KCNMA1: variants seen among roughly 807,000 people sequenced by gnomAD.
The protein encoded by KCNMA1 is Calcium-activated potassium channel subunit alpha-1.
A neutral mutation model predicts 140.0 loss-of-function variants in KCNMA1; 29 were observed. That is an observed-to-expected ratio of 0.21 (90% CI 0.15 to 0.28). KCNMA1 has a LOEUF of 0.28. Ranked by LOEUF, KCNMA1 falls within the 10% of genes least tolerant of loss-of-function variation. The pLI is 1.00. For missense variants in KCNMA1, 880 were observed against 1,602.2 expected (o/e 0.55, Z 7.70); for synonymous variants, 612 against 611.9 (o/e 1.00, Z 0.00).
chr10:76,891,418 GA>G (rs1185702054), intron 26 of KCNMA1, 106 bp downstream of exon 26: 1 of 812,688 alleles, frequency 1.2e-6, no homozygotes, highest in Non-Finnish European at 2.1e-6. Flanking sequence ...TCTACAATAG[GA>G]AGGAGAAAAG....
chr10:77,299,569 A>C (rs539449886), intron 2 of KCNMA1, among the ~76,000 whole-genome samples: 1 of 152,316 alleles, frequency 6.6e-6, no homozygotes, highest in East Asian at 1.9e-4. Flanking sequence ...AAACAAGTTT[A>C]AGTTGTTTTT....
At chr10:76,900,245 G>A (rs764630074) in intron 25 of KCNMA1, among the ~76,000 whole-genome samples, 10 of 92,708 alleles carry the variant, frequency 1.1e-4, no homozygotes, top group Middle Eastern at 6.2e-3. Context: ...ATGTTTAATG[G>A]AAAGTTATCA....
At position 77,600,966 on chromosome 10, in the gene KCNMA1, A is replaced by G. The variant is rs542110931; in HGVS notation, c.378+36299T>C. ...AACTGCCTAACACAGTGACAGCCAC[A>G]TAATGGGCACTTAATGATTCTCCCC... On this transcript the variant is annotated intron_variant, in intron 1 of 27. Coordinates refer to ENST00000286628, the MANE Select transcript of KCNMA1 (RefSeq NM_001161352.2). Among the ~76,000 whole-genome samples, 7 of 152,284 alleles carry G rather than the reference A, an allele frequency of 4.6e-5. No homozygotes were observed. In the East Asian group the frequency reaches 1.2e-3, roughly 25 times the overall value.
chr10:76,880,616 C>T (rs2034255272), downstream of KCNMA1, among the ~76,000 whole-genome samples: 1 of 152,168 alleles, frequency 6.6e-6, no homozygotes, highest in Non-Finnish European at 1.5e-5. Flanking sequence ...TTTCAATGAT[C>T]GCCAGCCATT....
At chr10:76,993,807 GC>G (rs2083447771) in intron 19 of KCNMA1, among the ~76,000 whole-genome samples, 1 of 152,198 alleles carries the variant, frequency 6.6e-6, no homozygotes, top group Admixed American at 6.5e-5. Context: ...CCTTGGCCTG[GC>G]CCCTGCCAGG....
chr10:76,889,668 G>A, intron 26 of KCNMA1, 99 bp from the exon 27 acceptor site: 1 of 984,204 alleles, frequency 1.0e-6, no homozygotes, highest in South Asian at 1.3e-5. Context: ...GCTTGTTTTG[G>A]TGTCTCCCAA....
intron 2 of KCNMA1, among the ~76,000 whole-genome samples, chr10:77,272,128 C>T (rs539749193): frequency 1.3e-5 from 2 of 152,272 alleles, no homozygotes; most frequent in African/African-American, 2.4e-5. Flanking sequence ...CTTATCATTC[C>T]CTGAAATCAC....
At chr10:77,566,717 T>C (rs1158010099) in intron 1 of KCNMA1, among the ~76,000 whole-genome samples, 1 of 152,206 alleles carries the variant, frequency 6.6e-6, no homozygotes, top group African/African-American at 2.4e-5. Flanking sequence ...GAAAACTTAC[T>C]ATGTGTCCAG....
intron 23 of KCNMA1, among the ~76,000 whole-genome samples, chr10:76,936,814 A>C (rs1264813865): frequency 1.3e-5 from 2 of 152,140 alleles, no homozygotes; most frequent in East Asian, 3.9e-4. Flanking sequence ...TTAATGGAAA[A>C]GCCAGATCTG....
rs116400943 is a variant in KCNMA1, at chr10:77,180,019, T to C, written c.808+3402A>G. Among the ~76,000 whole-genome samples the C allele has an allele frequency of 9.2e-3, 1,408 of 152,324 alleles. 22 individuals are homozygous for C. The highest frequency in any genetic ancestry group is 0.032 in the African/African-American group (1,350 of 41,572). On this transcript the variant is annotated intron_variant, in intron 5 of 27. Transcript: ENST00000286628. ...ACTAAACACGGTGTGGGGAGCGTTC[T>C]GGGACAGGTAAGGGCAGGGACCCTG... is the stretch of plus-strand genomic sequence containing the variant.
Position 77,108,248 on chromosome 10 carries a change from G to A in KCNMA1, c.1223+233C>T, listed in dbSNP as rs1489304214. 2.1e-6 allele frequency: 3 copies of A among 1,415,944 alleles called. No homozygotes were observed. Among genetic ancestry groups the A allele is most frequent in the South Asian group, 3.0e-5 (2 of 67,044 alleles). 87.7% of individuals were successfully genotyped at this position (1,415,944 alleles called of 1,614,324 possible). On this transcript the variant is annotated intron_variant, in intron 9 of 27. Transcript: ENST00000286628. The surrounding 1 kb of genome is among the most constrained non-coding windows in gnomAD (Gnocchi z 4.6). ...GGCACCTCCACAGGGACTCCTGAAA[G>A]TCACTCAACCACATCTTTTCTGATG...
At chr10:76,966,868 T>G (rs1592209295) in intron 20 of KCNMA1, among the ~76,000 whole-genome samples, 2 of 152,162 alleles carry the variant, frequency 1.3e-5, no homozygotes, top group East Asian at 3.8e-4. Flanking sequence ...CAGCTCTATC[T>G]GGACATGAGG....
At chr10:77,301,320 T>G (rs972857275) in intron 2 of KCNMA1, among the ~76,000 whole-genome samples, 1 of 152,230 alleles carries the variant, frequency 6.6e-6, no homozygotes, top group African/African-American at 2.4e-5. Context: ...TTGAACTTTG[T>G]AGAAATCTTT....
At chr10:77,127,798 C>A (rs887716179) in intron 5 of KCNMA1, among the ~76,000 whole-genome samples, 1 of 151,934 alleles carries the variant, frequency 6.6e-6, no homozygotes, top group Non-Finnish European at 1.5e-5. Context: ...CATGGTAAAA[C>A]CCCGCCTCTA....
chr10:77,259,625 A>C (rs894148152), intron 2 of KCNMA1, among the ~76,000 whole-genome samples: 1 of 151,936 alleles, frequency 6.6e-6, no homozygotes, highest in Non-Finnish European at 1.5e-5. Flanking sequence ...CTCATTCTCC[A>C]TTTGCCTCCT....
intron 19 of KCNMA1, chr10:76,978,740 T>C (rs928652476): frequency 1.3e-5 from 2 of 152,132 alleles, no homozygotes; most frequent in Non-Finnish European, 2.9e-5. Context: ...AAAAAATGCC[T>C]GTAAGATACC....
intron 25 of KCNMA1, among the ~76,000 whole-genome samples, chr10:76,908,731 C>T (rs1341128519): frequency 5.3e-5 from 8 of 152,184 alleles, no homozygotes; most frequent in Admixed American, 5.2e-4. Context: ...TTCAGAAAAG[C>T]TCTTTATCAT....
intron 2 of KCNMA1, among the ~76,000 whole-genome samples, chr10:77,252,431 G>A (rs1485856500): frequency 6.6e-6 from 1 of 152,104 alleles, no homozygotes; most frequent in African/African-American, 2.4e-5. Context: ...TTGGAAGTCA[G>A]TCTCCTCAGT....
At chr10:77,621,646 C>T (rs2091432008) in intron 1 of KCNMA1, among the ~76,000 whole-genome samples, 1 of 152,170 alleles carries the variant, frequency 6.6e-6, no homozygotes, top group African/African-American at 2.4e-5. Context: ...TAGTGTTTTT[C>T]TGCTGGGCAC....
Sources: allele counts gnomAD v4.1 joint callset (sites outside exome capture counted in the v4.1 genomes callset), GRCh38; gene constraint gnomAD v4.1.1; non-coding constraint Gnocchi (gnomAD v3.1); transcripts MANE v1.5; gene names NCBI Gene and HGNC (gene_info 2026-07-23, HGNC 2026-07-21).